Variants in STAG1 observed in about 807,000 individuals in gnomAD.
The protein encoded by STAG1 is STAG1 cohesin complex component, also known as cohesin subunit SA-1.
Under a neutral mutation model 170.9 loss-of-function variants are expected in STAG1, and 26 were observed. The ratio of observed to expected loss-of-function variants is 0.15; its 90% confidence interval spans 0.11 to 0.21. STAG1 has a LOEUF of 0.21. Among genes scored for constraint, STAG1 ranks in the 10% least tolerant of loss-of-function variants. STAG1 has a pLI of 1.00. For synonymous variants in STAG1, 514 were observed against 497.7 expected (o/e 1.03, Z -0.44); for missense variants, 964 against 1,509.5 (o/e 0.64, Z 5.99).
chr3:136,471,743 TA>T (rs770650306), intron 12 of STAG1, among the ~76,000 whole-genome samples: 9 of 152,226 alleles, frequency 5.9e-5, no homozygotes, highest in Admixed American at 5.9e-4. Flanking sequence ...TTAATTGCTT[TA>T]TTTTTTTCTT....
In STAG1 at chr3:136,377,386, CAAAAA is replaced by C. The variant is rs57934830; in HGVS notation, c.2370+269_2370+273del. Among the ~76,000 whole-genome samples, 32 of 42,572 alleles carry C rather than the reference CAAAAA, an allele frequency of 7.5e-4. 1 individual carries two copies. The highest frequency in any genetic ancestry group is 5.1e-4 in the Non-Finnish European group (14 of 27,414). The allele number at this position is 42,572 out of a possible 152,430, so 27.9% of individuals were successfully genotyped here. A position where few individuals can be genotyped will look rare whatever the true frequency, so the allele number is the denominator to read the frequency against. On this transcript the variant is annotated intron_variant, in intron 23 of 33. Coordinates refer to ENST00000383202, the MANE Select transcript of STAG1 (RefSeq NM_005862.3). ...TGGGCGACAGAGCGAGACTCTGTCTCAAAAAAAAAAAAAAAAAAAGTCTACATTTC... is the reference window on the plus strand; with the variant it reads ...TGGGCGACAGAGCGAGACTCTGTCTCAAAAAAAAAAAAAAGTCTACATTTC...
chr3:136,729,138 G>A (rs1277480676), intron 1 of STAG1, among the ~76,000 whole-genome samples: 1 of 152,048 alleles, frequency 6.6e-6, no homozygotes, highest in East Asian at 1.9e-4. Flanking sequence ...ATGCCATCGT[G>A]CCTAGCTAAT....
intron 1 of STAG1, among the ~76,000 whole-genome samples, chr3:136,649,294 C>A (rs1941133414): frequency 6.6e-6 from 1 of 151,904 alleles, no homozygotes; most frequent in Admixed American, 6.6e-5. Flanking sequence ...GCCTGGCCAA[C>A]ACAGCAAAAC....
chr3:136,656,452 A>ATT (rs34697988), intron 1 of STAG1, among the ~76,000 whole-genome samples: 12 of 151,734 alleles, frequency 7.9e-5, no homozygotes, highest in Middle Eastern at 3.4e-3. Context: ...GTATTTTATC[A>ATT]TTTTTTTTCC....
Position 136,338,001 on chromosome 3 carries a change from G to A in STAG1, c.*253C>T. The A allele has an allele frequency of 2.2e-6, 1 of 448,406 alleles. No homozygotes were observed. 27.8% of individuals were successfully genotyped at this position (448,406 alleles called of 1,614,324 possible). On this transcript the variant is annotated 3_prime_UTR_variant, in exon 34 of 34. Transcript: ENST00000383202. ...TCCCTCCAGAAAAACACACACATCT[G>A]TATTGGGATAAGTCCAATAGTAGGA...
chr3:136,410,096 A>G (rs2087584539), intron 21 of STAG1, among the ~76,000 whole-genome samples: 1 of 151,262 alleles, frequency 6.6e-6, no homozygotes, highest in Non-Finnish European at 1.5e-5. Context: ...AAAAAGATAA[A>G]TACAAAAAAT....
intron 1 of STAG1, among the ~76,000 whole-genome samples, chr3:136,637,872 ATTT>A (rs769669998): frequency 7.1e-6 from 1 of 141,000 alleles, no homozygotes; most frequent in African/African-American, 2.6e-5. Flanking sequence ...GTGTGAACAC[ATTT>A]TTTTTTTTTT....
At chr3:136,685,327 A>T (rs983053755) in intron 1 of STAG1, among the ~76,000 whole-genome samples, 2 of 122,460 alleles carry the variant, frequency 1.6e-5, no homozygotes, top group Non-Finnish European at 4.0e-5. Context: ...AAAAACAAAC[A>T]AACAAACAAA....
At position 136,633,962 on chromosome 3, in the gene STAG1, TAAAAAAAAAAA is replaced by T. The variant is rs67810422; in HGVS notation, c.-83-2992_-83-2982del. ...AACATGGTGAAACCCTGTCTCTACTTAAAAAAAAAAAAAAAAAAAAAAAAAAAAATTAGCCA... is the reference window on the plus strand; with the variant it reads ...AACATGGTGAAACCCTGTCTCTACTTAAAAAAAAAAAAAAAAAATTAGCCA... On this transcript the variant is annotated intron_variant, in intron 1 of 33. Coordinates refer to ENST00000383202, the MANE Select transcript of STAG1 (RefSeq NM_005862.3). Among the ~76,000 whole-genome samples, 61 of 50,360 alleles carry T rather than the reference TAAAAAAAAAAA, an allele frequency of 1.2e-3. 3 individuals carry two copies. In the East Asian group the frequency reaches 0.025, roughly 20 times the overall value. 33.0% of individuals were successfully genotyped at this position (50,360 alleles called of 152,430 possible).
chr3:136,664,758 A>G (rs1356631622), intron 1 of STAG1, among the ~76,000 whole-genome samples: 1 of 152,202 alleles, frequency 6.6e-6, no homozygotes, highest in Non-Finnish European at 1.5e-5. Flanking sequence ...TGCCACAGCC[A>G]AGAGAAAGAC....
At chr3:136,601,651 C>T (rs1396550653) in intron 4 of STAG1, among the ~76,000 whole-genome samples, 1 of 152,016 alleles carries the variant, frequency 6.6e-6, no homozygotes. Context: ...CCTATCTCTA[C>T]TAAAAATACA....
At chr3:136,603,920 C>T (rs2107807824) in intron 4 of STAG1, among the ~76,000 whole-genome samples, 1 of 151,952 alleles carries the variant, frequency 6.6e-6, no homozygotes, top group East Asian at 1.9e-4. Context: ...AAGAAAGTTA[C>T]AAATGATGTA....
At chr3:136,549,647 T>C (rs1297596512) in intron 5 of STAG1, among the ~76,000 whole-genome samples, 3 of 125,184 alleles carry the variant, frequency 2.4e-5, no homozygotes, top group African/African-American at 8.5e-5. Context: ...AGAAACAATT[T>C]CACTTCTTCC....
At chr3:136,514,461 G>A (rs1176972218) in intron 7 of STAG1, among the ~76,000 whole-genome samples, 2 of 152,354 alleles carry the variant, frequency 1.3e-5, no homozygotes, top group South Asian at 2.1e-4. Context: ...TACACTGTAA[G>A]TGGGAGTGTA....
chr3:136,543,619 C>A (rs1936009663), intron 5 of STAG1, among the ~76,000 whole-genome samples: 1 of 152,084 alleles, frequency 6.6e-6, no homozygotes, highest in Non-Finnish European at 1.5e-5. Context: ...TTTCTCAGCT[C>A]CATCAGTTAC....
chr3:136,516,095 T>C (rs1001201873), intron 7 of STAG1, among the ~76,000 whole-genome samples: 15 of 152,192 alleles, frequency 9.9e-5, no homozygotes, highest in Non-Finnish European at 1.5e-5. Flanking sequence ...TCTTTGATAA[T>C]ACCAGATTGC....
At chr3:136,659,454 G>GC (rs1267102339) in intron 1 of STAG1, among the ~76,000 whole-genome samples, 2 of 152,152 alleles carry the variant, frequency 1.3e-5, no homozygotes, top group Admixed American at 6.5e-5. Flanking sequence ...TGAGCTGCAA[G>GC]TGACCCGAGA....
At chr3:136,560,300 G>A (rs1936789461) in intron 5 of STAG1, among the ~76,000 whole-genome samples, 1 of 152,140 alleles carries the variant, frequency 6.6e-6, no homozygotes, top group African/African-American at 2.4e-5. Flanking sequence ...AGGCACATCT[G>A]TCAATGAAAA....
chr3:136,635,940 T>TA (rs1259143161), intron 1 of STAG1, among the ~76,000 whole-genome samples: 4 of 152,002 alleles, frequency 2.6e-5, no homozygotes, highest in Admixed American at 6.6e-5. Flanking sequence ...AGAAAAACAA[T>TA]AAAATTGTAA....
Sources: gnomAD v4.1 joint callset for allele counts (sites outside exome capture counted in the v4.1 genomes callset) on GRCh38, gnomAD v4.1.1 for gene constraint, MANE v1.5 for transcripts, NCBI Gene and HGNC (gene_info 2026-07-23, HGNC 2026-07-21) for gene names.